Variants in NKAIN3 observed in about 807,000 individuals in gnomAD.
NKAIN3 encodes the protein sodium/potassium-transporting ATPase subunit beta-1-interacting protein 3.
Under a neutral mutation model 30.2 loss-of-function variants are expected in NKAIN3, and 25 were observed. The ratio of observed to expected loss-of-function variants is 0.83; its 90% confidence interval spans 0.60 to 1.16. NKAIN3 has a LOEUF of 1.16. NKAIN3 is among the 50% of genes most tolerant of loss of function. The pLI, the probability that NKAIN3 is intolerant of heterozygous loss-of-function variation, is 0.00. For missense variants in NKAIN3, 225 were observed against 254.1 expected (o/e 0.89, Z 0.78); for synonymous variants, 91 against 89.6 (o/e 1.02, Z -0.09).
Position 62,515,774 on chromosome 8 carries a change from A to G in NKAIN3, c.55-63765A>G, listed in dbSNP as rs145956424. ...GGGCTCTCTAATTTTTGCCAGTCTGATGGAAGAAAACCCTTGTTTTAACTT... is the reference window on the plus strand; with the variant it reads ...GGGCTCTCTAATTTTTGCCAGTCTGGTGGAAGAAAACCCTTGTTTTAACTT... On this transcript the variant is annotated intron_variant, in intron 1 of 6. Transcript: ENST00000623646. Among the ~76,000 whole-genome samples the G allele has an allele frequency of 5.5e-3, 842 of 152,224 alleles. 12 individuals carry two copies. Among genetic ancestry groups the G allele is most frequent in the Non-Finnish European group, 4.9e-3 (331 of 67,982 alleles).
chr8:62,302,669 T>C (rs1814089209), intron 1 of NKAIN3, among the ~76,000 whole-genome samples: 1 of 152,030 alleles, frequency 6.6e-6, no homozygotes, highest in Admixed American at 6.6e-5. Flanking sequence ...TCACTGCATA[T>C]AGATAAAATC....
rs111620337 is a variant in NKAIN3 at position 62,912,909 on chromosome 8, C to CA, written c.472-5534dup. Among the ~76,000 whole-genome samples, 920 of 146,106 alleles carry CA rather than the reference C, an allele frequency of 6.3e-3. 6 individuals are homozygous for CA. The highest frequency in any genetic ancestry group is 0.021 in the African/African-American group (846 of 39,924). On this transcript the variant is annotated intron_variant, in intron 4 of 6. Transcript: ENST00000623646. ...GGGCAACAAGAGCAAAACTCTGTCTCAAAAAAAAAAGGAAAGAAAAAACTG... is the reference window on the plus strand; with the variant it reads ...GGGCAACAAGAGCAAAACTCTGTCTCAAAAAAAAAAAGGAAAGAAAAAACTG...
At position 62,555,011 on chromosome 8, in the gene NKAIN3, T is replaced by TACACACACACAC. The variant is rs59610407; in HGVS notation, c.55-24494_55-24483dup. On this transcript the variant is annotated intron_variant, in intron 1 of 6. Transcript: ENST00000623646. ...ATGCTGTCACAAATGGCAGAATCTA[T>TACACACACACAC]ACACACACACACACACACACACACA... is the stretch of plus-strand genomic sequence containing the variant. Among the ~76,000 whole-genome samples, 466 of 145,020 alleles carry TACACACACACAC rather than the reference T, an allele frequency of 3.2e-3. 2 individuals carry two copies. Among genetic ancestry groups the TACACACACACAC allele is most frequent in the African/African-American group, 9.7e-3 (378 of 39,030 alleles).
At chr8:62,359,006 C>T (rs1294421456) in intron 1 of NKAIN3, among the ~76,000 whole-genome samples, 1 of 152,014 alleles carries the variant, frequency 6.6e-6, no homozygotes, top group Non-Finnish European at 1.5e-5. Context: ...ACGGTGAAAC[C>T]CTGTCTCTAC....
In NKAIN3 at chr8:62,486,469, A is replaced by G. The variant is rs534452430; in HGVS notation, c.55-93070A>G. On this transcript the variant is annotated intron_variant, in intron 1 of 6. Transcript: ENST00000623646. ...AGAATGTTAGGTGGTCTAAAAGTTAATGTATTAGATATTTGAAATATTTTC... is the reference window on the plus strand; with the variant it reads ...AGAATGTTAGGTGGTCTAAAAGTTAGTGTATTAGATATTTGAAATATTTTC... Among the ~76,000 whole-genome samples, 4 of 152,220 alleles carry G rather than the reference A, an allele frequency of 2.6e-5. No homozygotes were observed. The East Asian group carries it at 7.7e-4, about 29-fold the overall frequency.
At chr8:62,834,232 A>G (rs1318721368) in intron 4 of NKAIN3, among the ~76,000 whole-genome samples, 1 of 152,170 alleles carries the variant, frequency 6.6e-6, no homozygotes, top group African/African-American at 2.4e-5. Context: ...CTGAATGGGC[A>G]GAAGTTGGAA....
At chr8:62,492,195 T>C (rs2129638073) in intron 1 of NKAIN3, among the ~76,000 whole-genome samples, 1 of 152,238 alleles carries the variant, frequency 6.6e-6, no homozygotes, top group South Asian at 2.1e-4. Flanking sequence ...GGGATTTTAG[T>C]AGAGCTTAGT....
intron 5 of NKAIN3, among the ~76,000 whole-genome samples, chr8:62,997,771 AGAG>A (rs1348861705): frequency 3.3e-5 from 5 of 149,350 alleles, no homozygotes; most frequent in African/African-American, 9.8e-5. Context: ...AAAAAAAAAA[AGAG>A]GAGGAGGAGG....
chr8:62,791,877 T>C (rs2130674195), intron 4 of NKAIN3, among the ~76,000 whole-genome samples: 1 of 152,272 alleles, frequency 6.6e-6, no homozygotes, highest in Non-Finnish European at 1.5e-5. Context: ...GTGCTGATTG[T>C]TCTGTCTTTC....
intron 4 of NKAIN3, among the ~76,000 whole-genome samples, chr8:62,846,092 T>G (rs969553639): frequency 6.6e-6 from 1 of 152,044 alleles, no homozygotes; most frequent in East Asian, 1.9e-4. Context: ...AATTCATCTA[T>G]GATCACACAG....
At chr8:62,730,014 T>C (rs1427568831) in intron 3 of NKAIN3, among the ~76,000 whole-genome samples, 1 of 152,240 alleles carries the variant, frequency 6.6e-6, no homozygotes, top group African/African-American at 2.4e-5. Context: ...GTGAACAACA[T>C]GCCACGTTTG....
In NKAIN3 at chr8:62,645,299, T is replaced by C. The variant is rs1812428713; in HGVS notation, c.273+55505T>C. ...GTTTATACTTTGGACAAAACCTTCC[T>C]TTTACCCCAAATTTTTATTCTATAT... is the stretch of plus-strand genomic sequence containing the variant. On this transcript the variant is annotated intron_variant, in intron 3 of 6. Transcript: ENST00000623646. 2.0e-5 allele frequency among the ~76,000 whole-genome samples: 3 copies of C among 152,158 alleles called. No homozygotes were observed. In the South Asian group the frequency reaches 6.2e-4, roughly 32 times the overall value.
Position 62,983,732 on chromosome 8 carries a change from A to G in NKAIN3, c.*18325A>G, listed in dbSNP as rs944974447. On this transcript the variant is annotated 3_prime_UTR_variant, in exon 7 of 7. Coordinates refer to ENST00000623646, the MANE Select transcript of NKAIN3 (RefSeq NM_001304533.3). ...TAAGCCCCCTCTTGCTCAGGACCTG[A>G]CTAACATTTCAGAACTGCGGTCACC... The G allele has an allele frequency of 2.6e-5, 4 of 152,194 alleles. No homozygotes were observed. The highest frequency in any genetic ancestry group is 4.8e-5 in the African/African-American group (2 of 41,438). 9.4% of individuals were successfully genotyped at this position (152,194 alleles called of 1,614,324 possible). A position where few individuals can be genotyped will look rare whatever the true frequency, so the allele number is the denominator to read the frequency against.
intron 1 of NKAIN3, among the ~76,000 whole-genome samples, chr8:62,426,426 G>T (rs567107999): frequency 6.6e-6 from 1 of 152,072 alleles, no homozygotes; most frequent in Non-Finnish European, 1.5e-5. Context: ...AGGCCAAACA[G>T]CATCATCTTA....
At chr8:62,643,481 G>A (rs1024915802) in intron 3 of NKAIN3, among the ~76,000 whole-genome samples, 2 of 152,084 alleles carry the variant, frequency 1.3e-5, no homozygotes, top group African/African-American at 2.4e-5. Context: ...TATCATAGGA[G>A]CTGCAAGAGT....
intron 6 of NKAIN3, among the ~76,000 whole-genome samples, chr8:62,954,517 A>G (rs762789583): frequency 2.0e-5 from 3 of 152,218 alleles, no homozygotes; most frequent in Non-Finnish European, 4.4e-5. Context: ...CAAGTTTTCT[A>G]TGTTCTTAGA....
chr8:62,688,745 C>G (rs1053230891), intron 3 of NKAIN3, among the ~76,000 whole-genome samples: 65 of 134,436 alleles, frequency 4.8e-4, no homozygotes, highest in Middle Eastern at 4.2e-3. Context: ...CAGACAGACA[C>G]ACACACACAC....
intron 3 of NKAIN3, among the ~76,000 whole-genome samples, chr8:62,701,977 C>A (rs1484569935): frequency 6.6e-6 from 1 of 152,156 alleles, no homozygotes; most frequent in Non-Finnish European, 1.5e-5. Context: ...CCTCGAATTG[C>A]GCTAGGGCTC....
chr8:62,704,300 G>A (rs372106223), intron 3 of NKAIN3, among the ~76,000 whole-genome samples: 215 of 151,502 alleles, frequency 1.4e-3, no homozygotes, highest in Middle Eastern at 6.8e-3. Context: ...ATTTTTTTCT[G>A]CCTAAATTTT....
Sources: allele counts gnomAD v4.1 joint callset (sites outside exome capture counted in the v4.1 genomes callset), GRCh38; gene constraint gnomAD v4.1.1; transcripts MANE v1.5; gene names NCBI Gene and HGNC (gene_info 2026-07-23, HGNC 2026-07-21).